Variants in PIK3CB observed in about 807,000 individuals in gnomAD.
PIK3CB encodes the protein phosphatidylinositol-4,5-bisphosphate 3-kinase catalytic subunit beta.
In PIK3CB, 39 loss-of-function variants were observed where a neutral mutation model predicts 136.8. That is an observed-to-expected ratio of 0.29 (90% CI 0.22 to 0.37). PIK3CB has a LOEUF of 0.37. PIK3CB is among the 10% of genes least tolerant of loss of function. The probability of loss-of-function intolerance (pLI) is 1.00; values close to 1 mark genes in which losing one functional copy is unlikely to be tolerated. For synonymous variants in PIK3CB, 428 were observed against 436.6 expected (o/e 0.98, Z 0.25); for missense variants, 868 against 1,275.4 (o/e 0.68, Z 4.87).
At chr3:138,662,035 T>C (rs1465886394) in intron 21 of PIK3CB, among the ~76,000 whole-genome samples, 1 of 151,858 alleles carries the variant, frequency 6.6e-6, no homozygotes, top group East Asian at 1.9e-4. Flanking sequence ...CTCCCATATA[T>C]AATTAGGTAT....
rs2043141595 is a variant in PIK3CB, at chr3:138,652,795, T to C, written c.*2594A>G. 2 of 223,678 alleles carry C rather than the reference T, an allele frequency of 8.9e-6. No individual in the cohort carries two copies. Among genetic ancestry groups the C allele is most frequent in the Non-Finnish European group, 1.8e-5 (2 of 112,314 alleles). 13.9% of individuals were successfully genotyped at this position (223,678 alleles called of 1,614,324 possible). On this transcript the variant is annotated 3_prime_UTR_variant, in exon 24 of 24. Coordinates refer to ENST00000674063, the MANE Select transcript of PIK3CB (RefSeq NM_006219.3). ...AAGGATAAATGCTTGAGGTAATGGA[T>C]ACCCCAATTACCCTGATGCGATAAT...
chr3:138,800,812 A>G (rs1383753887), intron 1 of PIK3CB, among the ~76,000 whole-genome samples: 1 of 151,606 alleles, frequency 6.6e-6, no homozygotes, highest in African/African-American at 2.4e-5. Flanking sequence ...TTTAGTAGAG[A>G]TGGGTTTTCG....
intron 8 of PIK3CB, among the ~76,000 whole-genome samples, chr3:138,726,393 G>A (rs893352837): frequency 1.3e-5 from 2 of 152,148 alleles, no homozygotes; most frequent in African/African-American, 2.4e-5. Flanking sequence ...CACTAGGGGG[G>A]TGAGGGAAGG....
At chr3:138,731,242 C>T (rs2044966031) in intron 8 of PIK3CB, among the ~76,000 whole-genome samples, 1 of 152,004 alleles carries the variant, frequency 6.6e-6, no homozygotes, top group Non-Finnish European at 1.5e-5. Flanking sequence ...CATGTTTGCA[C>T]TTTTTCTTTT....
intron 19 of PIK3CB, among the ~76,000 whole-genome samples, chr3:138,677,624 C>T (rs475254): frequency 0.49 from 74,547 of 152,070 alleles, 20,784 homozygotes; most frequent in East Asian, 0.98. Context: ...TGGCTGGGCG[C>T]GGTGACTCAT....
Position 138,713,371 on chromosome 3 carries a change from T to A in PIK3CB, c.1303-1067A>T, listed in dbSNP as rs6781352. On this transcript the variant is annotated intron_variant, in intron 9 of 23. Coordinates refer to ENST00000674063, the MANE Select transcript of PIK3CB (RefSeq NM_006219.3). ...ACCAGAGGAGATGCTTATATTCCCATGTTAAGAATAAAAGAACACGGCCAG... is the reference window on the plus strand; with the variant it reads ...ACCAGAGGAGATGCTTATATTCCCAAGTTAAGAATAAAAGAACACGGCCAG... Among the ~76,000 whole-genome samples, 1,132 of 151,516 alleles carry A rather than the reference T, an allele frequency of 7.5e-3. 23 individuals are homozygous for A. The highest frequency in any genetic ancestry group is 0.025 in the African/African-American group (1,046 of 41,390).
intron 1 of PIK3CB, among the ~76,000 whole-genome samples, chr3:138,829,584 C>CA (rs1933935553): frequency 6.6e-6 from 1 of 152,138 alleles, no homozygotes; most frequent in Admixed American, 6.6e-5. Context: ...ATTTTACACT[C>CA]AAACAGGATG....
intron 10 of PIK3CB, among the ~76,000 whole-genome samples, chr3:138,708,973 G>A (rs544037536): frequency 6.6e-6 from 1 of 152,034 alleles, no homozygotes; most frequent in South Asian, 2.1e-4. Context: ...TAGGGAGACA[G>A]AGTCTCACTA....
At chr3:138,760,213 G>T (rs143963529) in intron 2 of PIK3CB, among the ~76,000 whole-genome samples, 1 of 152,086 alleles carries the variant, frequency 6.6e-6, no homozygotes, top group African/African-American at 2.4e-5. Context: ...GTGACCCACC[G>T]TGCCCAGCCA....
intron 14 of PIK3CB, among the ~76,000 whole-genome samples, chr3:138,693,214 C>T (rs907242505): frequency 6.6e-5 from 10 of 151,988 alleles, no homozygotes; most frequent in East Asian, 1.9e-4. Context: ...CTACCTCAGC[C>T]GCCCAAGTAG....
At chr3:138,739,321 G>A (rs369301661) in intron 5 of PIK3CB, among the ~76,000 whole-genome samples, 1 of 152,058 alleles carries the variant, frequency 6.6e-6, no homozygotes, top group Non-Finnish European at 1.5e-5. Context: ...GTGCATGCCT[G>A]TAGTCCCAGC....
chr3:138,674,788 G>A (rs1357040509), intron 19 of PIK3CB, among the ~76,000 whole-genome samples: 2 of 152,188 alleles, frequency 1.3e-5, no homozygotes, highest in Non-Finnish European at 2.9e-5. Flanking sequence ...GGGGGCGGTG[G>A]CTCACACCTG....
intron 19 of PIK3CB, among the ~76,000 whole-genome samples, chr3:138,666,488 A>G (rs1359094880): frequency 6.6e-6 from 1 of 152,110 alleles, no homozygotes; most frequent in Non-Finnish European, 1.5e-5. Context: ...TAAGCATTCT[A>G]AGATTTCTTT....
At chr3:138,834,633 C>CGGCGCCGCGACCCA (rs1934191958) in intron 1 of PIK3CB, 62 bp downstream of exon 1, 1 of 153,566 alleles carries the variant, frequency 6.5e-6, no homozygotes, top group Non-Finnish European at 1.4e-5. Context: ...GCACCGCAGC[C>CGGCGCCGCGACCCA]GGCGCCGCGA....
chr3:138,714,209 A>G (rs1343945932), intron 9 of PIK3CB, among the ~76,000 whole-genome samples: 1 of 152,180 alleles, frequency 6.6e-6, no homozygotes, highest in African/African-American at 2.4e-5. Context: ...ATAATAAAAC[A>G]CTTATAAAAT....
intron 1 of PIK3CB, among the ~76,000 whole-genome samples, chr3:138,809,025 C>T (rs2046264377): frequency 6.6e-6 from 1 of 151,964 alleles, no homozygotes; most frequent in Non-Finnish European, 1.5e-5. Context: ...GTGGCTCATG[C>T]CTGTAATCTC....
At chr3:138,830,915 TA>T (rs1934001181) in intron 1 of PIK3CB, among the ~76,000 whole-genome samples, 1 of 137,308 alleles carries the variant, frequency 7.3e-6, no homozygotes, top group Non-Finnish European at 1.5e-5. Flanking sequence ...ATAATAATAA[TA>T]ATAATAATAA....
intron 2 of PIK3CB, among the ~76,000 whole-genome samples, chr3:138,769,575 T>C (rs2045775198): frequency 6.6e-6 from 1 of 152,176 alleles, no homozygotes; most frequent in South Asian, 2.1e-4. Context: ...AGAAAATTAT[T>C]GAGGGAGAGG....
At chr3:138,659,131 T>C (rs992345509) in intron 21 of PIK3CB, among the ~76,000 whole-genome samples, 1 of 152,226 alleles carries the variant, frequency 6.6e-6, no homozygotes, top group African/African-American at 2.4e-5. Flanking sequence ...TTTAGCAGCA[T>C]CCCTGGCCTC....
Sources: allele counts gnomAD v4.1 joint callset (sites outside exome capture counted in the v4.1 genomes callset), GRCh38; gene constraint gnomAD v4.1.1; transcripts MANE v1.5; gene names NCBI Gene and HGNC (gene_info 2026-07-23, HGNC 2026-07-21).